Variants in PHACTR3 observed in about 807,000 individuals in gnomAD.
PHACTR3 encodes protein phosphatase 1, regulatory subunit 123.
A neutral mutation model predicts 66.8 loss-of-function variants in PHACTR3; 16 were observed. The ratio of observed to expected loss-of-function variants is 0.24; its 90% CI spans 0.16 to 0.36. The LOEUF is 0.36. Ranked by LOEUF, PHACTR3 falls within the 10% of genes least tolerant of loss-of-function variation. The pLI is 1.00. For missense variants in PHACTR3, 647 were observed against 719.9 expected (o/e 0.90, Z 1.16); for synonymous variants, 323 against 292.1 (o/e 1.11, Z -1.08).
chr20:59,784,970 C>T (rs1410754929), intron 7 of PHACTR3, among the ~76,000 whole-genome samples: 4 of 140,994 alleles, frequency 2.8e-5, no homozygotes, highest in Non-Finnish European at 6.1e-5. Context: ...CTGATGCCGT[C>T]TGTCATGATT....
chr20:59,781,380 C>G (rs1055963606), intron 7 of PHACTR3, among the ~76,000 whole-genome samples: 2 of 152,170 alleles, frequency 1.3e-5, no homozygotes, highest in Non-Finnish European at 1.5e-5. Context: ...TTGGGTAACC[C>G]ACGGCGCCCA....
rs541659849 is a variant in PHACTR3 at position 59,593,213 on chromosome 20, G to T, written c.109+15596G>T. On this transcript the variant is annotated intron_variant, in intron 1 of 12. Coordinates refer to the PHACTR3 transcript ENST00000359926. ...TTGGCCATTCTGATGGGTGTGCAGT[G>T]GTCTCTCATTGTGGTTTCAGTTTGC... Among the ~76,000 whole-genome samples the T allele has an allele frequency of 2.6e-5, 4 of 152,272 alleles. No individual in the cohort carries two copies. The East Asian group carries it at 7.7e-4, about 29-fold the overall frequency.
chr20:59,750,863 A>G (rs1470822098), intron 3 of PHACTR3, among the ~76,000 whole-genome samples: 1 of 152,234 alleles, frequency 6.6e-6, no homozygotes, highest in Non-Finnish European at 1.5e-5. Flanking sequence ...AACGGGATCC[A>G]CGCAGATGCT....
At chr20:59,687,821 G>C (rs1169992589) in intron 1 of PHACTR3, among the ~76,000 whole-genome samples, 1 of 151,996 alleles carries the variant, frequency 6.6e-6, no homozygotes. Context: ...GACACGCTTT[G>C]AGTAGTGCTG....
At chr20:59,616,216 G>A (rs141074861) in intron 1 of PHACTR3, among the ~76,000 whole-genome samples, 55 of 152,230 alleles carry the variant, frequency 3.6e-4, no homozygotes, top group African/African-American at 8.7e-4. Flanking sequence ...TCTGTAAAGC[G>A]TTTAGCACAG....
intron 12 of PHACTR3, 25 bp downstream of exon 12, chr20:59,845,290 A>G: frequency 1.3e-6 from 2 of 1,499,950 alleles, no homozygotes; most frequent in Non-Finnish European, 1.9e-6. Flanking sequence ...TGTGAATTTC[A>G]TGGTACTTAT....
chr20:59,740,777 A>C (rs2039127670), intron 1 of PHACTR3, among the ~76,000 whole-genome samples: 1 of 152,220 alleles, frequency 6.6e-6, no homozygotes, highest in Admixed American at 6.5e-5. Context: ...ACCCCGTGGA[A>C]GCTCTAGAGG....
At chr20:59,717,276 G>A (rs1322863895) in intron 1 of PHACTR3, among the ~76,000 whole-genome samples, 1 of 152,134 alleles carries the variant, frequency 6.6e-6, no homozygotes, top group Non-Finnish European at 1.5e-5. Context: ...TTTTTAAATT[G>A]AAGTTTTTAT....
chr20:59,845,579 A>G (rs189627483), intron 12 of PHACTR3, among the ~76,000 whole-genome samples: 16 of 152,302 alleles, frequency 1.1e-4, no homozygotes, highest in African/African-American at 3.4e-4. Context: ...AATATTCAGA[A>G]TTCCTCCAAT....
intron 7 of PHACTR3, among the ~76,000 whole-genome samples, chr20:59,803,694 C>T (rs774256150): frequency 5.3e-5 from 8 of 152,170 alleles, no homozygotes; most frequent in Admixed American, 6.5e-5. Flanking sequence ...ACAGATGCAT[C>T]GTAATTTAAC....
At chr20:59,833,233 A>C (rs2042436565) in intron 8 of PHACTR3, among the ~76,000 whole-genome samples, 1 of 152,212 alleles carries the variant, frequency 6.6e-6, no homozygotes, top group Non-Finnish European at 1.5e-5. Flanking sequence ...ATTCAGTGAG[A>C]AGCTTGGCAG....
intron 8 of PHACTR3, among the ~76,000 whole-genome samples, chr20:59,826,604 A>T (rs1393400596): frequency 1.3e-5 from 2 of 150,844 alleles, no homozygotes; most frequent in Non-Finnish European, 3.0e-5. Flanking sequence ...CTCTCTGTAC[A>T]CACTGTCCTC....
intron 1 of PHACTR3, among the ~76,000 whole-genome samples, chr20:59,724,610 G>T (rs1348324236): frequency 6.6e-6 from 1 of 152,150 alleles, no homozygotes; most frequent in Non-Finnish European, 1.5e-5. Context: ...TTGAAGCCTA[G>T]TGCATATAAC....
intron 5 of PHACTR3, among the ~76,000 whole-genome samples, chr20:59,770,376 G>C (rs1447355514): frequency 6.6e-6 from 1 of 152,158 alleles, no homozygotes; most frequent in Non-Finnish European, 1.5e-5. Flanking sequence ...TTGGGAAAAG[G>C]TTCATGTGCT....
Position 59,586,667 on chromosome 20 carries a change from C to T in PHACTR3, c.109+9050C>T, listed in dbSNP as rs563541586. ...CAGAATATTGTACACTGATCATTTG[C>T]GTTTGCTTGGGAGTCACTGCAGTGG... On this transcript the variant is annotated intron_variant, in intron 1 of 12. Transcript: ENST00000359926. 7.2e-5 allele frequency among the ~76,000 whole-genome samples: 11 copies of T among 152,204 alleles called. No homozygotes were observed. The East Asian group carries it at 1.2e-3, about 16-fold the overall frequency.
chr20:59,845,131 G>T, intron 11 of PHACTR3, 58 bp from the exon 12 acceptor site: 1 of 1,061,436 alleles, frequency 9.4e-7, no homozygotes, highest in South Asian at 1.3e-5. Context: ...TAAACACGAT[G>T]CTAATTTCCT....
At chr20:59,700,942 A>C (rs1348357560) in intron 1 of PHACTR3, among the ~76,000 whole-genome samples, 1 of 147,292 alleles carries the variant, frequency 6.8e-6, no homozygotes, top group Admixed American at 6.8e-5. Flanking sequence ...GGTGCACCAC[A>C]CTATGTCTGG....
At position 59,584,420 on chromosome 20, in the gene PHACTR3, A is replaced by G. The variant is rs543825546; in HGVS notation, c.109+6803A>G. 3.3e-5 allele frequency among the ~76,000 whole-genome samples: 5 copies of G among 150,636 alleles called. No individual in the cohort carries two copies. In the East Asian group the frequency reaches 9.8e-4, roughly 30 times the overall value. ...CAGGAGTGTGCGTGCCTGTGTGTGTATGCATGTGTGTGAGGGTGTGAAGCC... is the reference window on the plus strand; with the variant it reads ...CAGGAGTGTGCGTGCCTGTGTGTGTGTGCATGTGTGTGAGGGTGTGAAGCC... On this transcript the variant is annotated intron_variant, in intron 1 of 12. Coordinates refer to the PHACTR3 transcript ENST00000359926.
chr20:59,643,887 C>T (rs753091663), intron 1 of PHACTR3, among the ~76,000 whole-genome samples: 12 of 152,208 alleles, frequency 7.9e-5, no homozygotes, highest in Non-Finnish European at 1.5e-4. Context: ...GAAAGTAGCA[C>T]TTAGGCAGGC....
Sources: allele counts gnomAD v4.1 joint callset (sites outside exome capture counted in the v4.1 genomes callset), GRCh38; gene constraint gnomAD v4.1.1; transcripts MANE v1.5; gene names NCBI Gene and HGNC (gene_info 2026-07-23, HGNC 2026-07-21).